MACROD2: variants seen among roughly 807,000 people sequenced by gnomAD.
The protein encoded by MACROD2 is mono-ADP ribosylhydrolase 2.
In MACROD2, 36 loss-of-function variants were observed where a neutral mutation model predicts 70.4. The observed-to-expected ratio is 0.51, with a 90% CI of 0.39 to 0.68. The LOEUF is 0.68. Ranked by LOEUF, MACROD2 falls within the 30% of genes least tolerant of loss-of-function variation. MACROD2 has a pLI of 0.00. For missense variants in MACROD2, 496 were observed against 538.4 expected (o/e 0.92, Z 0.78); for synonymous variants, 172 against 178.8 (o/e 0.96, Z 0.30).
At chr20:14,594,169 CT>C (rs1434304893) in intron 4 of MACROD2, among the ~76,000 whole-genome samples, 6 of 152,318 alleles carry the variant, frequency 3.9e-5, no homozygotes, top group African/African-American at 1.4e-4. Flanking sequence ...CTTCTGCTGA[CT>C]TTTCCTCTAC....
chr20:15,837,711 G>A (rs898323427), intron 8 of MACROD2, among the ~76,000 whole-genome samples: 1 of 151,974 alleles, frequency 6.6e-6, no homozygotes, highest in African/African-American at 2.4e-5. Context: ...ATATATATTG[G>A]CCTCTGAGCT....
intron 3 of MACROD2, among the ~76,000 whole-genome samples, chr20:14,232,123 T>C (rs1444915192): frequency 6.6e-6 from 1 of 152,264 alleles, no homozygotes; most frequent in Admixed American, 6.5e-5. Context: ...TTTCTTTTGC[T>C]GTGCAGAAGC....
At chr20:14,381,017 G>A (rs1568586293) in intron 3 of MACROD2, among the ~76,000 whole-genome samples, 1 of 152,036 alleles carries the variant, frequency 6.6e-6, no homozygotes, top group African/African-American at 2.4e-5. Context: ...TTCTTTGCAA[G>A]CTGTTAGCTA....
chr20:15,761,202 G>A (rs1220993167), intron 8 of MACROD2, among the ~76,000 whole-genome samples: 1 of 152,050 alleles, frequency 6.6e-6, no homozygotes, highest in Admixed American at 6.6e-5. Flanking sequence ...CGCACCACCA[G>A]GTCCAGCTAA....
At chr20:14,328,956 C>T (rs1190672621) in intron 3 of MACROD2, 1 of 151,934 alleles carries the variant, frequency 6.6e-6, no homozygotes, top group Non-Finnish European at 1.5e-5. Flanking sequence ...TTCTTATTGG[C>T]TCTTCTGTGC....
rs371844477 is a variant in MACROD2 at position 15,987,091 on chromosome 20, C to T, written c.1086C>T (p.Ala362=). Residue 362 remains alanine, a synonymous_variant, in exon 15 of 18, where the codon GCC becomes GCT. Coordinates refer to ENST00000684519, the MANE Select transcript of MACROD2 (RefSeq NM_001351661.2). ...TEELSSNQED[A]VIVEQPEVIP... is the part of the protein sequence containing the mutation. ...AACTTTCATCAAACCAAGAAGATGC[C>T]GTGATTGTGGAGCAACCAGAAGTGA... 48 of 1,610,836 alleles carry T rather than the reference C, an allele frequency of 3.0e-5. No homozygotes were observed. The East Asian group carries it at 4.0e-4, about 13-fold the overall frequency.
intron 3 of MACROD2, among the ~76,000 whole-genome samples, chr20:14,171,436 T>C (rs1179487035): frequency 6.6e-6 from 1 of 152,170 alleles, no homozygotes; most frequent in Non-Finnish European, 1.5e-5. Context: ...TGACCTTAGA[T>C]TGACTATTTG....
intron 6 of MACROD2, among the ~76,000 whole-genome samples, chr20:15,383,914 C>A (rs1345542724): frequency 6.6e-6 from 1 of 151,910 alleles, no homozygotes; most frequent in Non-Finnish European, 1.5e-5. Context: ...AAAAAAGTGG[C>A]CATTAATTAA....
chr20:14,193,170 A>G (rs1016702564), intron 3 of MACROD2, among the ~76,000 whole-genome samples: 1 of 152,192 alleles, frequency 6.6e-6, no homozygotes, highest in African/African-American at 2.4e-5. Context: ...GAACCATCTT[A>G]AAGTGTGTAC....
At chr20:14,600,743 T>C (rs1031065900) in intron 4 of MACROD2, among the ~76,000 whole-genome samples, 13 of 152,200 alleles carry the variant, frequency 8.5e-5, no homozygotes, top group Admixed American at 5.9e-4. Flanking sequence ...TGAGTAAACA[T>C]CTGCTCCTGA....
chr20:14,489,979 G>A (rs939410057), intron 3 of MACROD2, among the ~76,000 whole-genome samples: 1 of 151,852 alleles, frequency 6.6e-6, no homozygotes, highest in African/African-American at 2.4e-5. Context: ...TCCTGCCTCA[G>A]CCTCCCGGCT....
intron 5 of MACROD2, among the ~76,000 whole-genome samples, chr20:15,132,541 A>C (rs940014042): frequency 6.6e-6 from 1 of 151,986 alleles, no homozygotes; most frequent in Non-Finnish European, 1.5e-5. Context: ...TATATAGCCC[A>C]AAAAGGTAAA....
chr20:15,237,820 T>A (rs1420730992), intron 6 of MACROD2, among the ~76,000 whole-genome samples: 1 of 151,994 alleles, frequency 6.6e-6, no homozygotes, highest in Non-Finnish European at 1.5e-5. Context: ...TCCCCCTTCA[T>A]CAGCTGGCTG....
At chr20:14,839,987 T>C (rs1205958282) in intron 5 of MACROD2, among the ~76,000 whole-genome samples, 1 of 152,090 alleles carries the variant, frequency 6.6e-6, no homozygotes, top group Non-Finnish European at 1.5e-5. Flanking sequence ...TTACTCATCC[T>C]TCTACTTGCA....
At chr20:15,266,830 A>C (rs1366767941) in intron 6 of MACROD2, among the ~76,000 whole-genome samples, 1 of 152,022 alleles carries the variant, frequency 6.6e-6, no homozygotes, top group Non-Finnish European at 1.5e-5. Context: ...ACACAGAACT[A>C]CTCATGGTTA....
intron 3 of MACROD2, among the ~76,000 whole-genome samples, chr20:14,462,998 G>T (rs1375144316): frequency 1.3e-5 from 2 of 152,156 alleles, no homozygotes; most frequent in Admixed American, 1.3e-4. Flanking sequence ...TTTTGGCTTA[G>T]GATTGACTTG....
chr20:14,928,688 T>C (rs1225204398), intron 5 of MACROD2, among the ~76,000 whole-genome samples: 1 of 152,144 alleles, frequency 6.6e-6, no homozygotes, highest in Non-Finnish European at 1.5e-5. Context: ...TGATGCCACA[T>C]GGTAGCTGAG....
intron 3 of MACROD2, among the ~76,000 whole-genome samples, chr20:14,436,798 CAG>C (rs774513156): frequency 1.4e-4 from 22 of 152,160 alleles, no homozygotes; most frequent in Non-Finnish European, 2.9e-4. Flanking sequence ...CTTTGAAAAA[CAG>C]AGAATAATAA....
chr20:14,984,394 G>A (rs1358422739), intron 5 of MACROD2, among the ~76,000 whole-genome samples: 1 of 152,134 alleles, frequency 6.6e-6, no homozygotes, highest in African/African-American at 2.4e-5. Context: ...TTACTAAAAT[G>A]CAGATTTCAC....
Sources: allele counts gnomAD v4.1 joint callset (sites outside exome capture counted in the v4.1 genomes callset), GRCh38; gene constraint gnomAD v4.1.1; transcripts MANE v1.5; gene names NCBI Gene and HGNC (gene_info 2026-07-23, HGNC 2026-07-21).